The following SLC44A5 variants were observed in gnomAD, a reference collection of about 807,000 sequenced individuals.
SLC44A5 encodes choline transporter-like protein 5.
SLC44A5 carries 57 observed loss-of-function variants against 101.8 expected under a neutral mutation model. The ratio of observed to expected loss-of-function variants is 0.56; its 90% CI spans 0.45 to 0.70. The LOEUF (loss-of-function observed/expected upper bound fraction) is 0.70, where lower values mean the gene tolerates loss of function less well. SLC44A5 is among the 30% of genes least tolerant of loss of function. The pLI is 0.00. For synonymous variants in SLC44A5, 281 were observed against 290.9 expected (o/e 0.97, Z 0.35); for missense variants, 737 against 853.1 (o/e 0.86, Z 1.70).
At chr1:75,481,007 T>G (rs867519857) in intron 2 of SLC44A5, among the ~76,000 whole-genome samples, 1 of 152,138 alleles carries the variant, frequency 6.6e-6, no homozygotes. Flanking sequence ...CAAACTATAC[T>G]ACAAGGCTAC....
intron 7 of SLC44A5, among the ~76,000 whole-genome samples, chr1:75,245,385 T>C (rs1416280894): frequency 1.3e-5 from 2 of 152,132 alleles, no homozygotes; most frequent in African/African-American, 2.4e-5. Context: ...AAGGTTAAGA[T>C]GATTATCAAT....
At chr1:75,321,870 G>GT (rs1557660770) in intron 4 of SLC44A5, among the ~76,000 whole-genome samples, 1 of 152,144 alleles carries the variant, frequency 6.6e-6, no homozygotes, top group African/African-American at 2.4e-5. Context: ...ATTGTTCAGA[G>GT]TATGTCAGTT....
intron 1 of SLC44A5, among the ~76,000 whole-genome samples, chr1:75,610,563 T>C (rs1383928001): frequency 2.0e-5 from 3 of 152,092 alleles, no homozygotes; most frequent in East Asian, 3.9e-4. Context: ...GCAGAAGCCA[T>C]AGTGTATGTC....
At chr1:75,592,208 A>G (rs895003964) in intron 1 of SLC44A5, among the ~76,000 whole-genome samples, 1 of 152,192 alleles carries the variant, frequency 6.6e-6, no homozygotes, top group Admixed American at 6.5e-5. Flanking sequence ...ATAAAAAATC[A>G]GTAACATTTC....
chr1:75,631,534 G>C, the SLC44A5 span, among the ~76,000 whole-genome samples: 2 of 140,806 alleles, frequency 1.4e-5, no homozygotes, highest in South Asian at 2.3e-4. Context: ...AACCACACCT[G>C]GCTAATTTTT....
intron 2 of SLC44A5, among the ~76,000 whole-genome samples, chr1:75,475,023 G>A (rs987214190): frequency 8.5e-5 from 13 of 152,166 alleles, no homozygotes; most frequent in East Asian, 3.8e-4. Flanking sequence ...GTTGTGTGTC[G>A]CCCCTGAGTT....
intron 12 of SLC44A5, among the ~76,000 whole-genome samples, chr1:75,230,524 C>T (rs1282783599): frequency 6.6e-6 from 1 of 152,126 alleles, no homozygotes; most frequent in Non-Finnish European, 1.5e-5. Context: ...GCTGGGATTA[C>T]AGGTGTGAGC....
intron 3 of SLC44A5, among the ~76,000 whole-genome samples, chr1:75,351,868 A>AAAAGAGAG (rs1553165361): frequency 3.2e-4 from 19 of 58,510 alleles, no homozygotes; most frequent in African/African-American, 7.7e-4. Context: ...AAAAAAAAAA[A>AAAAGAGAG]AGAGAGAGAG....
At chr1:75,414,729 G>T (rs150924417) in intron 2 of SLC44A5, among the ~76,000 whole-genome samples, 3 of 152,074 alleles carry the variant, frequency 2.0e-5, no homozygotes, top group Non-Finnish European at 2.9e-5. Context: ...CAAGGCAAAG[G>T]GAACAGCACA....
chr1:75,304,605 G>A (rs1490655148), intron 4 of SLC44A5, among the ~76,000 whole-genome samples: 1 of 152,122 alleles, frequency 6.6e-6, no homozygotes, highest in African/African-American at 2.4e-5. Flanking sequence ...TATAGGAAAT[G>A]AGTTCTTTTT....
chr1:75,548,152 T>C (rs1380899295), intron 1 of SLC44A5, among the ~76,000 whole-genome samples: 1 of 152,162 alleles, frequency 6.6e-6, no homozygotes, highest in Admixed American at 6.6e-5. Context: ...ATCTCTAGTT[T>C]TAGACAGACC....
intron 2 of SLC44A5, among the ~76,000 whole-genome samples, chr1:75,518,128 C>CT (rs1372070492): frequency 1.3e-5 from 2 of 152,250 alleles, no homozygotes; most frequent in Non-Finnish European, 2.9e-5. Context: ...CACATGTAAG[C>CT]TTTTTTCTAC....
intron 4 of SLC44A5, among the ~76,000 whole-genome samples, chr1:75,321,723 C>T (rs1166191226): frequency 2.6e-5 from 4 of 152,302 alleles, no homozygotes; most frequent in Admixed American, 1.3e-4. Flanking sequence ...AAGTTTATTT[C>T]CACATGTATT....
At chr1:75,512,094 A>C (rs1331830597) in intron 2 of SLC44A5, among the ~76,000 whole-genome samples, 1 of 152,214 alleles carries the variant, frequency 6.6e-6, no homozygotes, top group African/African-American at 2.4e-5. Context: ...GTGCTCATGT[A>C]AATAAGCACA....
chr1:75,446,577 C>T (rs1018842541), intron 2 of SLC44A5, among the ~76,000 whole-genome samples: 2 of 151,944 alleles, frequency 1.3e-5, no homozygotes, highest in African/African-American at 4.8e-5. Flanking sequence ...AAATCTCCTC[C>T]ATTAGAAAGA....
rs777120281 is a variant in SLC44A5, at chr1:75,222,435, C to G, written c.1011G>C (p.Val337=). 6 of 1,612,486 alleles carry G rather than the reference C, an allele frequency of 3.7e-6. No individual in the cohort carries two copies. The highest frequency in any genetic ancestry group is 5.1e-6 in the Non-Finnish European group (6 of 1,179,152). Residue 337 remains valine, a synonymous_variant, in exon 14 of 24, where the codon GTG becomes GTC. Coordinates refer to ENST00000370859, the MANE Select transcript of SLC44A5 (RefSeq NM_001130058.2). ...TFMIILCIIE[V]IVILMLIFLR... ...GGAAGATCAGCATGAGGATGACAAT[C>G]ACTTCAATGATGCAGAGTATTATCA...
At chr1:75,393,885 G>T (rs955410637) in intron 3 of SLC44A5, among the ~76,000 whole-genome samples, 1 of 152,160 alleles carries the variant, frequency 6.6e-6, no homozygotes, top group African/African-American at 2.4e-5. Flanking sequence ...GAGTGGTGAT[G>T]CCCTTATTAG....
intron 4 of SLC44A5, among the ~76,000 whole-genome samples, chr1:75,303,500 C>T (rs1225252168): frequency 6.6e-6 from 1 of 152,198 alleles, no homozygotes; most frequent in Non-Finnish European, 1.5e-5. Context: ...TCCCAAAATG[C>T]TGGGATTACG....
chr1:75,277,600 A>C (rs1396698615), intron 5 of SLC44A5, among the ~76,000 whole-genome samples: 1 of 152,038 alleles, frequency 6.6e-6, no homozygotes, highest in Non-Finnish European at 1.5e-5. Context: ...AGATCAGCAA[A>C]ATGTTCATAA....
Sources: allele counts gnomAD v4.1 joint callset (sites outside exome capture counted in the v4.1 genomes callset), GRCh38; gene constraint gnomAD v4.1.1; transcripts MANE v1.5; gene names NCBI Gene and HGNC (gene_info 2026-07-23, HGNC 2026-07-21).